The following CLSTN2 variants were observed in gnomAD, a reference collection of about 807,000 sequenced individuals.
CLSTN2 encodes the protein calsyntenin-2.
Under a neutral mutation model 101.2 loss-of-function variants are expected in CLSTN2, and 48 were observed. The ratio of observed to expected loss-of-function variants is 0.47; its 90% CI spans 0.38 to 0.60. The LOEUF is 0.60. Ranked by LOEUF, CLSTN2 falls within the 20% of genes least tolerant of loss-of-function variation. The probability of loss-of-function intolerance (pLI) is 0.00; values close to 1 mark genes in which losing one functional copy is unlikely to be tolerated. For missense variants in CLSTN2, 1,160 were observed against 1,238.2 expected, an observed-to-expected ratio of 0.94 and a Z score of 0.95; for synonymous variants, 481 against 463.6, an observed-to-expected ratio of 1.04 and a Z score of -0.48.
intron 9 of CLSTN2, among the ~76,000 whole-genome samples, chr3:140,539,835 C>G (rs67781897): frequency 6.6e-6 from 1 of 152,090 alleles, no homozygotes; most frequent in African/African-American, 2.4e-5. Flanking sequence ...CAGGTCTATG[C>G]CACCAAAGCC....
At chr3:140,050,359 AT>A (rs983890989) in intron 1 of CLSTN2, among the ~76,000 whole-genome samples, 1 of 152,116 alleles carries the variant, frequency 6.6e-6, no homozygotes, top group African/African-American at 2.4e-5. Context: ...AATCACTACT[AT>A]TTGACCTACA....
At chr3:140,030,601 C>T (rs1460026843) in intron 1 of CLSTN2, among the ~76,000 whole-genome samples, 3 of 152,238 alleles carry the variant, frequency 2.0e-5, no homozygotes, top group African/African-American at 7.2e-5. Context: ...CTGCTTTTTA[C>T]CACTGAGGAA....
chr3:140,221,504 A>T (rs2086273136), intron 2 of CLSTN2, among the ~76,000 whole-genome samples: 1 of 152,174 alleles, frequency 6.6e-6, no homozygotes, highest in Admixed American at 6.5e-5. Context: ...AGTGGCAGTT[A>T]ACACTTCTAT....
At chr3:140,388,087 G>A (rs1576544273) in intron 2 of CLSTN2, among the ~76,000 whole-genome samples, 1 of 152,210 alleles carries the variant, frequency 6.6e-6, no homozygotes, top group Admixed American at 6.5e-5. Context: ...GTGGTTTAAC[G>A]TCTTGCCTGA....
intron 1 of CLSTN2, among the ~76,000 whole-genome samples, chr3:140,115,927 C>A (rs75993246): frequency 1.3e-5 from 2 of 152,130 alleles, no homozygotes; most frequent in Admixed American, 6.5e-5. Flanking sequence ...GAAATCGGAT[C>A]GGTTGATGAG....
At chr3:140,076,625 GTTTTTTTTTT>G (rs35645750) in intron 1 of CLSTN2, among the ~76,000 whole-genome samples, 22 of 38,074 alleles carry the variant, frequency 5.8e-4, no homozygotes, top group African/African-American at 1.7e-3. Context: ...CACCAGCAGT[GTTTTTTTTTT>G]TTTTTTTTTT....
chr3:140,479,901 C>T (rs993570590), intron 8 of CLSTN2, among the ~76,000 whole-genome samples: 3 of 152,096 alleles, frequency 2.0e-5, no homozygotes, highest in Admixed American at 6.5e-5. Context: ...GAAAGCAATA[C>T]CTAATCACAC....
In CLSTN2 at chr3:140,302,603, A is replaced by T. The variant is rs370756783; in HGVS notation, c.233-101026A>T. 3.3e-5 allele frequency among the ~76,000 whole-genome samples: 5 copies of T among 152,350 alleles called. No homozygotes were observed. In the East Asian group the frequency reaches 5.8e-4, roughly 18 times the overall value. On this transcript the variant is annotated intron_variant, in intron 2 of 16. Coordinates refer to ENST00000458420, the MANE Select transcript of CLSTN2 (RefSeq NM_022131.3). ...TAAACGTTGCCTGAAAACAAGCAAAACACGTGTGGCTAAAATGTTTTCTGT... is the reference window on the plus strand; with the variant it reads ...TAAACGTTGCCTGAAAACAAGCAAATCACGTGTGGCTAAAATGTTTTCTGT...
At chr3:140,515,187 T>A (rs976383601) in intron 8 of CLSTN2, among the ~76,000 whole-genome samples, 1 of 152,182 alleles carries the variant, frequency 6.6e-6, no homozygotes, top group Admixed American at 6.5e-5. Context: ...CCTTGAATGA[T>A]CTTTTGTATT....
rs565606449 is a variant in CLSTN2 at position 140,006,363 on chromosome 3, G to A, written c.109+70880G>A. On this transcript the variant is annotated intron_variant, in intron 1 of 16. Coordinates refer to ENST00000458420, the MANE Select transcript of CLSTN2 (RefSeq NM_022131.3). ...ATCTTATGAAAAATTCAAAGCCTGG[G>A]TTCTAAAACACCTACCAGGCTTTCT... Among the ~76,000 whole-genome samples, 12 of 152,276 alleles carry A rather than the reference G, an allele frequency of 7.9e-5. No individual in the cohort carries two copies. The South Asian group carries it at 2.5e-3, about 32-fold the overall frequency.
intron 2 of CLSTN2, among the ~76,000 whole-genome samples, chr3:140,364,756 G>A (rs983480015): frequency 7.2e-5 from 11 of 152,120 alleles, no homozygotes; most frequent in African/African-American, 2.7e-4. Context: ...TACCTTTGAG[G>A]AAAATGTGTA....
intron 2 of CLSTN2, among the ~76,000 whole-genome samples, chr3:140,207,704 G>A (rs1282249731): frequency 6.6e-6 from 1 of 152,082 alleles, no homozygotes; most frequent in Non-Finnish European, 1.5e-5. Flanking sequence ...TTTGATTGTT[G>A]CATAGGGTAA....
intron 2 of CLSTN2, among the ~76,000 whole-genome samples, chr3:140,197,593 G>A (rs1377094897): frequency 6.6e-6 from 1 of 152,066 alleles, no homozygotes; most frequent in Non-Finnish European, 1.5e-5. Context: ...CTCAACTGAG[G>A]GTGATCTTAC....
intron 1 of CLSTN2, among the ~76,000 whole-genome samples, chr3:140,115,927 C>T (rs75993246): frequency 0.02 from 2,997 of 152,248 alleles, 216 homozygotes; most frequent in Admixed American, 0.13. Context: ...GAAATCGGAT[C>T]GGTTGATGAG....
At chr3:140,077,880 A>ATG (rs10662643) in intron 1 of CLSTN2, among the ~76,000 whole-genome samples, 85,664 of 151,832 alleles carry the variant, frequency 0.56, 25,550 homozygotes, top group African/African-American at 0.75. Context: ...GATAATTTAT[A>ATG]TGAACTCTCC....
At chr3:140,218,646 C>A (rs970194090) in intron 2 of CLSTN2, among the ~76,000 whole-genome samples, 10 of 152,142 alleles carry the variant, frequency 6.6e-5, no homozygotes, top group African/African-American at 2.4e-4. Context: ...ATACTGAGTA[C>A]GTCAAGCAAG....
intron 5 of CLSTN2, among the ~76,000 whole-genome samples, chr3:140,447,770 G>T (rs143384038): frequency 6.6e-6 from 1 of 152,002 alleles, no homozygotes; most frequent in Non-Finnish European, 1.5e-5. Context: ...ATGGGGTGAG[G>T]GGCACAACAC....
At chr3:140,203,024 TGGAA>T (rs2010737314) in intron 2 of CLSTN2, among the ~76,000 whole-genome samples, 1 of 152,172 alleles carries the variant, frequency 6.6e-6, no homozygotes, top group Non-Finnish European at 1.5e-5. Flanking sequence ...TCAGTAATAG[TGGAA>T]CCCCAAGGTG....
chr3:140,532,529 A>G (rs77491534), intron 9 of CLSTN2, 43 bp downstream of exon 9: 1,121 of 1,522,640 alleles, frequency 7.4e-4, no homozygotes, highest in Non-Finnish European at 9.7e-4. Context: ...GTTTGTGAAT[A>G]GTTCTTGGAA....
Sources: allele counts gnomAD v4.1 joint callset (sites outside exome capture counted in the v4.1 genomes callset), GRCh38; gene constraint gnomAD v4.1.1; transcripts MANE v1.5; gene names NCBI Gene and HGNC (gene_info 2026-07-23, HGNC 2026-07-21).